SLC9B1: variants seen among roughly 807,000 people sequenced by gnomAD.
SLC9B1 encodes the protein sodium/hydrogen exchanger 9B1.
In SLC9B1, 32 loss-of-function variants were observed where a neutral mutation model predicts 51.7. That is an observed-to-expected ratio of 0.62 (90% CI 0.47 to 0.83). The LOEUF (loss-of-function observed/expected upper bound fraction) is 0.83, where lower values mean the gene tolerates loss of function less well. Among genes scored for constraint, SLC9B1 ranks in the 40% least tolerant of loss-of-function variants. The probability of loss-of-function intolerance (pLI) is 0.00; values close to 1 mark genes in which losing one functional copy is unlikely to be tolerated. For synonymous variants in SLC9B1, 145 were observed against 212.7 expected (o/e 0.68, Z 2.77); for missense variants, 406 against 613.2 (o/e 0.66, Z 3.57).
At chr4:102,943,896 A>G (rs1397594600) in intron 6 of SLC9B1, among the ~76,000 whole-genome samples, 1 of 152,228 alleles carries the variant, frequency 6.6e-6, no homozygotes, top group Non-Finnish European at 1.5e-5. Context: ...TAATGAAAAA[A>G]GAAAAAAGAC....
chr4:102,972,275 C>T (rs1738805203), intron 3 of SLC9B1, among the ~76,000 whole-genome samples: 1 of 152,222 alleles, frequency 6.6e-6, no homozygotes, highest in Non-Finnish European at 1.5e-5. Flanking sequence ...AGCAGCACAT[C>T]AAAGAGCTTA....
intron 9 of SLC9B1, among the ~76,000 whole-genome samples, chr4:102,907,100 T>TGG (rs1417016191): frequency 8.7e-5 from 13 of 150,192 alleles, no homozygotes; most frequent in African/African-American, 3.2e-4. Flanking sequence ...ACTGAGCACT[T>TGG]CAATAGTTTT....
intron 1 of SLC9B1, among the ~76,000 whole-genome samples, chr4:103,007,727 C>T (rs890823667): frequency 1.3e-5 from 2 of 151,614 alleles, no homozygotes; most frequent in African/African-American, 4.9e-5. Flanking sequence ...ACCTCAGCCT[C>T]CCAAGTAGCT....
chr4:102,977,942 A>C (rs574252429), intron 3 of SLC9B1, among the ~76,000 whole-genome samples: 99 of 152,190 alleles, frequency 6.5e-4, no homozygotes, highest in African/African-American at 2.2e-3. Context: ...GTATCTCCTA[A>C]TGCTATCCCT....
intron 1 of SLC9B1, 27 bp from the exon 2 acceptor site, chr4:102,991,739 A>G: frequency 6.8e-7 from 1 of 1,469,376 alleles, no homozygotes; most frequent in Non-Finnish European, 9.2e-7. Context: ...AAATACTTTA[A>G]AAGAAGAAAC....
intron 3 of SLC9B1, among the ~76,000 whole-genome samples, chr4:102,971,765 G>C (rs1455215515): frequency 6.6e-6 from 1 of 151,934 alleles, no homozygotes; most frequent in Non-Finnish European, 1.5e-5. Context: ...GAAGAAAAGA[G>C]AGAAGAATCA....
intron 11 of SLC9B1, chr4:102,888,603 A>ATCTT (rs758952755): frequency 6.6e-6 from 1 of 152,164 alleles, no homozygotes; most frequent in Non-Finnish European, 1.5e-5. Flanking sequence ...ACTATTATGA[A>ATCTT]TCTTTTTAGT....
intron 7 of SLC9B1, among the ~76,000 whole-genome samples, chr4:102,925,172 T>C (rs903736586): frequency 2.0e-5 from 3 of 152,158 alleles, no homozygotes; most frequent in African/African-American, 7.2e-5. Context: ...CCATCAATGA[T>C]AGACTGGATT....
intron 3 of SLC9B1, among the ~76,000 whole-genome samples, chr4:102,973,974 G>A (rs1578392925): frequency 6.6e-6 from 1 of 152,126 alleles, no homozygotes; most frequent in East Asian, 1.9e-4. Flanking sequence ...GGTGGCTCAG[G>A]CCTGTAATCC....
intron 7 of SLC9B1, among the ~76,000 whole-genome samples, chr4:102,914,429 G>A (rs1259549275): frequency 6.6e-6 from 1 of 151,886 alleles, no homozygotes; most frequent in Non-Finnish European, 1.5e-5. Context: ...GGCAAGAAGG[G>A]GATCTTTTCA....
chr4:102,888,353 A>G (rs1734046803), intron 11 of SLC9B1: 2 of 152,202 alleles, frequency 1.3e-5, no homozygotes, highest in Admixed American at 1.3e-4. Flanking sequence ...AGTCCCACAG[A>G]AAGTCTTGCA....
intron 11 of SLC9B1, 53 bp downstream of exon 11, chr4:102,905,461 T>A: frequency 1.3e-6 from 2 of 1,526,640 alleles, no homozygotes; most frequent in Non-Finnish European, 1.8e-6. Flanking sequence ...TCATTTTAAA[T>A]TTTAAAAGCA....
chr4:102,927,860 G>A (rs1345615498), intron 7 of SLC9B1, among the ~76,000 whole-genome samples: 2 of 152,084 alleles, frequency 1.3e-5, no homozygotes, highest in Non-Finnish European at 2.9e-5. Context: ...ATTAAGACAC[G>A]TGACACATAT....
At chr4:102,958,461 G>A (rs1162640971) in intron 3 of SLC9B1, among the ~76,000 whole-genome samples, 2 of 152,138 alleles carry the variant, frequency 1.3e-5, no homozygotes, top group Middle Eastern at 3.2e-3. Flanking sequence ...AGCAATGCAA[G>A]AATGGACTAA....
intron 1 of SLC9B1, among the ~76,000 whole-genome samples, chr4:103,002,390 T>C (rs1463984019): frequency 6.6e-6 from 1 of 152,250 alleles, no homozygotes; most frequent in Non-Finnish European, 1.5e-5. Flanking sequence ...ACAAGTATTC[T>C]GTGCAAGACA....
Position 102,946,649 on chromosome 4 carries a change from G to C in SLC9B1, c.523C>G (p.Gln175Glu). 1.9e-6 allele frequency: 3 copies of C among 1,603,896 alleles called. No homozygotes were observed. Among genetic ancestry groups the C allele is most frequent in the Non-Finnish European group, 2.5e-6 (3 of 1,177,478 alleles). ...TCGATTTGTAATTGTAAATCTACCT[G>C]TGGATCGAGTCCAAGCCCAGCTCTT... ...LIRAGLGLDP[Q>E]ALRHLKVVCF... Residue 175 changes from glutamine to glutamate, a missense_variant and splice_region_variant, in exon 5 of 12, where the codon CAG becomes GAG. By Grantham distance (29) the Gln-to-Glu change is conservative. Coordinates refer to ENST00000296422, the MANE Select transcript of SLC9B1 (RefSeq NM_139173.4).
At chr4:102,986,770 CAAAGGCATTCTTCATT>C (rs1448119312) in intron 3 of SLC9B1, among the ~76,000 whole-genome samples, 1 of 152,170 alleles carries the variant, frequency 6.6e-6, no homozygotes, top group African/African-American at 2.4e-5. Context: ...ATAAGCCCAT[CAAAGGCATTCTTCATT>C]TGTTACAGTG....
intron 6 of SLC9B1, among the ~76,000 whole-genome samples, chr4:102,942,978 C>T (rs1388602032): frequency 6.6e-6 from 1 of 151,742 alleles, no homozygotes; most frequent in Non-Finnish European, 1.5e-5. Context: ...AACAAATCAG[C>T]AAGAAAAAAC....
At chr4:102,899,413 T>A (rs1371101443), downstream of SLC9B1, among the ~76,000 whole-genome samples, 2 of 149,542 alleles carry the variant, frequency 1.3e-5, no homozygotes, top group Non-Finnish European at 3.0e-5. Context: ...ATATATATAT[T>A]TTATTATTAT....
Sources: gnomAD v4.1 joint callset for allele counts (sites outside exome capture counted in the v4.1 genomes callset) on GRCh38, gnomAD v4.1.1 for gene constraint, MANE v1.5 for transcripts, NCBI Gene and HGNC (gene_info 2026-07-23, HGNC 2026-07-21) for gene names.